PPFIBP1: variants seen among roughly 807,000 people sequenced by gnomAD.
PPFIBP1 encodes the protein PPFIB scaffold protein 1.
Under a neutral mutation model 137.8 loss-of-function variants are expected in PPFIBP1, and 112 were observed. The observed-to-expected ratio is 0.81, with a 90% CI of 0.70 to 0.95. The LOEUF (loss-of-function observed/expected upper bound fraction) is 0.95. Among genes scored for constraint, PPFIBP1 ranks in the 40% least tolerant of loss-of-function variants. The pLI is 0.00. For missense variants in PPFIBP1, 1,083 were observed against 1,196.6 expected (o/e 0.91, Z 1.40); for synonymous variants, 378 against 417.3 (o/e 0.91, Z 1.15).
At chr12:27,629,897 C>T (rs766255843) in intron 2 of PPFIBP1, among the ~76,000 whole-genome samples, 2 of 152,158 alleles carry the variant, frequency 1.3e-5, no homozygotes, top group Non-Finnish European at 2.9e-5. Flanking sequence ...GTGTTTCTTA[C>T]TCTTCTGTGT....
intron 27 of PPFIBP1, among the ~76,000 whole-genome samples, chr12:27,690,148 T>C (rs2061442867): frequency 6.6e-6 from 1 of 151,774 alleles, no homozygotes; most frequent in African/African-American, 2.4e-5. Flanking sequence ...AACATGAGTT[T>C]GAATTACACA....
intron 1 of PPFIBP1, among the ~76,000 whole-genome samples, chr12:27,553,226 T>A (rs774966928): frequency 6.6e-6 from 1 of 152,060 alleles, no homozygotes. Flanking sequence ...TACGATGACA[T>A]GAAGAGAGTG....
At chr12:27,655,142 G>GCATGTAGTT in intron 8 of PPFIBP1, 7 of 1,528,390 alleles carry the variant, frequency 4.6e-6, no homozygotes, top group Non-Finnish European at 6.1e-6. Context: ...CTCTCTACCA[G>GCATGTAGTT]TCTTTAATGG....
intron 1 of PPFIBP1, among the ~76,000 whole-genome samples, chr12:27,530,600 A>T (rs1331847526): frequency 6.6e-6 from 1 of 152,212 alleles, no homozygotes; most frequent in African/African-American, 2.4e-5. Context: ...CTGGATGCCC[A>T]ACTGATATCC....
rs558878107 is a variant in PPFIBP1 at position 27,610,065 on chromosome 12, G to C, written c.-35-23297G>C. ...CTGTGTGGATTGGATTTTGGTGTCT[G>C]TGCACCCAGGGTGAGGTACTCTGTG... On this transcript the variant is annotated intron_variant, in intron 2 of 29. Coordinates refer to ENST00000228425, the MANE Select transcript of PPFIBP1 (RefSeq NM_003622.4). 3.9e-5 allele frequency among the ~76,000 whole-genome samples: 6 copies of C among 152,268 alleles called. No individual in the cohort carries two copies. In the South Asian group the frequency reaches 1.2e-3, roughly 32 times the overall value.
intron 4 of PPFIBP1, 96 bp from the exon 5 acceptor site, chr12:27,645,966 A>C: frequency 4.6e-6 from 4 of 873,960 alleles, no homozygotes; most frequent in Non-Finnish European, 7.3e-6. Flanking sequence ...GATTCAATTC[A>C]GGCCCCTTGG....
At chr12:27,664,197 A>G in intron 11 of PPFIBP1, among the ~76,000 whole-genome samples, 165 bp from the exon 12 acceptor site, 1 of 152,220 alleles carries the variant, frequency 6.6e-6, no homozygotes, top group Non-Finnish European at 1.5e-5. Flanking sequence ...TATTCTTTAA[A>G]TAAGGTAAAT....
chr12:27,535,475 G>A (rs143230160), intron 1 of PPFIBP1, among the ~76,000 whole-genome samples: 193 of 152,276 alleles, frequency 1.3e-3, no homozygotes, highest in African/African-American at 4.4e-3. Flanking sequence ...GCGAGGTGGT[G>A]TGGTCACGGC....
intron 2 of PPFIBP1, among the ~76,000 whole-genome samples, chr12:27,587,060 G>A (rs4409879): frequency 0.27 from 40,571 of 151,964 alleles, 5,611 homozygotes; most frequent in Middle Eastern, 0.32. Flanking sequence ...GAAATCTTAC[G>A]TGTTCTGTAA....
At chr12:27,645,622 G>A (rs1280207390) in intron 4 of PPFIBP1, among the ~76,000 whole-genome samples, 1 of 152,198 alleles carries the variant, frequency 6.6e-6, no homozygotes, top group African/African-American at 2.4e-5. Context: ...GACAAAAAGT[G>A]TTAAAATGGA....
chr12:27,608,603 G>A (rs559519978), intron 2 of PPFIBP1: 15 of 380,896 alleles, frequency 3.9e-5, no homozygotes, highest in African/African-American at 3.0e-4. Flanking sequence ...GGTGAGTTAG[G>A]ATTCCCTCCT....
intron 1 of PPFIBP1, chr12:27,549,577 AAAG>A (rs1445035632): frequency 6.6e-6 from 1 of 152,148 alleles, no homozygotes; most frequent in South Asian, 2.1e-4. Flanking sequence ...AAAAAAAAAA[AAAG>A]AAGAATGAAG....
chr12:27,548,724 A>C (rs969181212), intron 1 of PPFIBP1: 1 of 152,080 alleles, frequency 6.6e-6, no homozygotes, highest in Non-Finnish European at 1.5e-5. Context: ...TATTTTGGGG[A>C]CTGGAGGTGG....
At chr12:27,592,765 G>GAA in intron 2 of PPFIBP1, 1 of 840,514 alleles carries the variant, frequency 1.2e-6, no homozygotes, top group East Asian at 2.5e-5. Flanking sequence ...AGAAAATAAA[G>GAA]AATATGTTAG....
chr12:27,592,745 T>C, intron 2 of PPFIBP1: 1 of 936,412 alleles, frequency 1.1e-6, no homozygotes, highest in Non-Finnish European at 1.7e-6. Context: ...GCCTGGCTTA[T>C]CATCTGCCAA....
intron 2 of PPFIBP1, chr12:27,592,840 G>A (rs532728458): frequency 1.8e-4 from 105 of 582,306 alleles, no homozygotes; most frequent in African/African-American, 1.7e-3. Flanking sequence ...CATCCTTTTA[G>A]CAAAAATAGC....
rs1427837761 is a variant in PPFIBP1 at position 27,640,129 on chromosome 12, G to A, written c.270+5014G>A. Among the ~76,000 whole-genome samples, 5 of 152,284 alleles carry A rather than the reference G, an allele frequency of 3.3e-5. No homozygotes were observed. The East Asian group carries it at 7.7e-4, about 24-fold the overall frequency. ...CTTCAAGTAAACTCCCACAGAAAGT[G>A]TTCACAGACACAGAAAAACAAATTG... On this transcript the variant is annotated intron_variant, in intron 4 of 29. Coordinates refer to ENST00000228425, the MANE Select transcript of PPFIBP1 (RefSeq NM_003622.4).
At chr12:27,632,958 CA>C (rs1199581226) in intron 2 of PPFIBP1, among the ~76,000 whole-genome samples, 1 of 152,032 alleles carries the variant, frequency 6.6e-6, no homozygotes, top group East Asian at 1.9e-4. Flanking sequence ...AAAACAAAAA[CA>C]AACAAAAATA....
intron 21 of PPFIBP1, among the ~76,000 whole-genome samples, chr12:27,680,392 A>G (rs1467720672): frequency 6.6e-6 from 1 of 152,198 alleles, no homozygotes; most frequent in African/African-American, 2.4e-5. Flanking sequence ...AGTGGTTAAG[A>G]GTATGTTCTA....
Sources: gnomAD v4.1 joint callset for allele counts (sites outside exome capture counted in the v4.1 genomes callset) on GRCh38, gnomAD v4.1.1 for gene constraint, MANE v1.5 for transcripts, NCBI Gene and HGNC (gene_info 2026-07-23, HGNC 2026-07-21) for gene names.